GFRA4: variants seen among roughly 807,000 people sequenced by gnomAD.
GFRA4 encodes the protein GDNF family receptor alpha 4.
A neutral mutation model predicts 28.5 loss-of-function variants in GFRA4; 31 were observed. The observed-to-expected ratio is 1.09, with a 90% CI of 0.82 to 1.47. The LOEUF is 1.47. Ranked by LOEUF, GFRA4 falls within the 40% of genes most tolerant of loss-of-function variation. The pLI is 0.00. For synonymous variants in GFRA4, 188 were observed against 188.0 expected, an observed-to-expected ratio of 1.00 and a Z score of 0.00; for missense variants, 389 against 413.2, an observed-to-expected ratio of 0.94 and a Z score of 0.51.
At chr20:3,662,334 G>A (rs986473203) in intron 1 of GFRA4, among the ~76,000 whole-genome samples, 5 of 152,136 alleles carry the variant, frequency 3.3e-5, no homozygotes, top group South Asian at 2.1e-4. Context: ...CAGGCTAATC[G>A]AATCCCCCCC....
Position 3,659,979 on chromosome 20 carries a change from G to T in GFRA4, c.740C>A (p.Thr247Lys), listed in dbSNP as rs769514460. ...GGAGCGTCTCTCCAGGGCCCTGCCT[G>T]TGGAGGACACCTTGGGGGTGGGAGC... ...PEHSLLQVSS[T>K]GRALERRSLL... is the part of the protein sequence containing the mutation. Residue 247 changes from threonine to lysine, a missense_variant, in exon 6 of 6, where the codon ACA becomes AAA. Coordinates refer to ENST00000290417, the MANE Select transcript of GFRA4 (RefSeq NM_022139.4). The T allele has an allele frequency of 2.5e-6, 4 of 1,580,982 alleles. No individual in the cohort carries two copies. Among genetic ancestry groups the T allele is most frequent in the Non-Finnish European group, 3.4e-6 (4 of 1,164,012 alleles).
At chr20:3,661,483 T>C (rs1308090320) in intron 1 of GFRA4, among the ~76,000 whole-genome samples, 194 bp from the exon 2 acceptor site, 3 of 152,174 alleles carry the variant, frequency 2.0e-5, no homozygotes, top group Admixed American at 6.5e-5. Context: ...TGGAGGGCTC[T>C]GCAACACGTC....
Position 3,660,787 on chromosome 20 carries a change from G to T in GFRA4, c.470C>A (p.Ala157Asp). Residue 157 changes from alanine (A) to aspartate (D), a missense_variant, in exon 3 of 6, where the codon GCC becomes GAC. Transcript: ENST00000290417. ...GCCCGCGTAGGCGCGCAGGCAGCGG[G>T]CGCCCTGGTCCAGCAGGCAGCCGTC... ...APDGCLLDQG[A>D]RCLRAYAGLV... 6.4e-6 allele frequency: 9 copies of T among 1,416,400 alleles called. No homozygotes were observed. Among genetic ancestry groups the T allele is most frequent in the Non-Finnish European group, 8.2e-6 (9 of 1,095,600 alleles). 87.7% of individuals were successfully genotyped at this position (1,416,400 alleles called of 1,614,324 possible). A position where few individuals can be genotyped will look rare whatever the true frequency, so the allele number is the denominator to read the frequency against.
At chr20:3,660,108 A>T in intron 5 of GFRA4, 50 bp downstream of exon 5, 1 of 1,530,756 alleles carries the variant, frequency 6.5e-7, no homozygotes, top group Non-Finnish European at 8.9e-7. Flanking sequence ...GAAGGGTGTG[A>T]AGGTGACAGT....
chr20:3,660,012 A>G, intron 5 of GFRA4, 23 bp from the exon 6 acceptor site: 1 of 1,550,740 alleles, frequency 6.4e-7, no homozygotes, highest in East Asian at 2.3e-5. Context: ...AGCCAAGTGC[A>G]GACTTGAGGC....
At chr20:3,660,898 G>T (rs774923556) in intron 2 of GFRA4, 34 bp from the exon 3 acceptor site, 10 of 1,389,778 alleles carry the variant, frequency 7.2e-6, no homozygotes, top group Non-Finnish European at 9.2e-6. Context: ...CCGGAGAGAG[G>T]CCCCGTCCCC....
rs148812242 is a variant in GFRA4, at chr20:3,663,377, G to T, written c.23C>A (p.Ala8Glu). 1 of 1,610,972 alleles carries T rather than the reference G, an allele frequency of 6.2e-7. No individual in the cohort carries two copies. The highest frequency in any genetic ancestry group is 8.5e-7 in the Non-Finnish European group (1 of 1,179,220). Residue 8 changes from alanine (A) to glutamate (E), a missense_variant, in exon 1 of 6, where the codon GCG (alanine) becomes GAG (glutamate). Ala to Glu is a moderately radical substitution (Grantham distance 107). Transcript: ENST00000290417. ...ACCCAGTAACAGCAGCAGCAGCAGC[G>T]CAGGCCCCAGGCAGCGGACCATGCT... MVRCLGP[A>E]LLLLLLLGSA...
Position 3,660,865 on chromosome 20 carries a change from C to A in GFRA4, c.393-1G>T. 7.1e-7 allele frequency: 1 copy of A among 1,412,872 alleles called. No homozygotes were observed. Among genetic ancestry groups the A allele is most frequent in the Non-Finnish European group, 9.1e-7 (1 of 1,093,728 alleles). The allele number at this position is 1,412,872 out of a possible 1,614,324, so 87.5% of individuals were successfully genotyped here. A position where few individuals can be genotyped will look rare whatever the true frequency, so the allele number is the denominator to read the frequency against. On this transcript the variant is annotated splice_acceptor_variant, in intron 2 of 5. Coordinates refer to ENST00000290417, the MANE Select transcript of GFRA4 (RefSeq NM_022139.4). LOFTEE classifies it high-confidence loss of function. ...GACCTGAAAGGCCAGGAGGCGAGGC[C>A]TGCGCGGCGGGAGGGCGGTGAGCCG...
At chr20:3,660,906 C>T in intron 2 of GFRA4, 38 bp downstream of exon 2, 2 of 1,383,274 alleles carry the variant, frequency 1.4e-6, no homozygotes, top group Non-Finnish European at 1.9e-6. Flanking sequence ...AGGCCCCGTC[C>T]CCACCCTCGC....
rs772434547 is a variant in GFRA4, at chr20:3,659,558, T to G, written c.*351A>C. ...CTGGGATTCTGGATGGTCTCTGACC[T>G]GCTCTAGGGGATCTGGGTCTCCAGA... On this transcript the variant is annotated 3_prime_UTR_variant, in exon 6 of 6. Transcript: ENST00000290417. 3.1e-6 allele frequency: 1 copy of G among 324,650 alleles called. No homozygotes were observed. The highest frequency in any genetic ancestry group is 5.7e-6 in the Non-Finnish European group (1 of 174,374). The allele number at this position is 324,650 out of a possible 1,614,324, so 20.1% of individuals were successfully genotyped here. A position where few individuals can be genotyped will look rare whatever the true frequency, so the allele number is the denominator to read the frequency against.
Position 3,659,869 on chromosome 20 carries a change from G to A in GFRA4, c.*40C>T. 8 of 1,549,408 alleles carry A rather than the reference G, an allele frequency of 5.2e-6. No homozygotes were observed. The highest frequency in any genetic ancestry group is 7.0e-6 in the Non-Finnish European group (8 of 1,141,484). Reference sequence around the variant, plus strand: ...CACAGAGGCGGCCCAGGCAGGCAGGGTGGAGTAGCTGGCTGTGCTATCCGA... The same window carrying A: ...CACAGAGGCGGCCCAGGCAGGCAGGATGGAGTAGCTGGCTGTGCTATCCGA... On this transcript the variant is annotated 3_prime_UTR_variant, in exon 6 of 6. Transcript: ENST00000290417.
intron 4 of GFRA4, 63 bp downstream of exon 4, chr20:3,660,463 G>T: frequency 6.8e-7 from 1 of 1,474,720 alleles, no homozygotes. Flanking sequence ...CCAGCCAGGC[G>T]GCTTGGGAGG....
In GFRA4 at chr20:3,659,992, T is replaced by G; in HGVS notation, c.730-3A>C. 1 of 1,570,466 alleles carries G rather than the reference T, an allele frequency of 6.4e-7. No individual in the cohort carries two copies. The highest frequency in any genetic ancestry group is 8.6e-7 in the Non-Finnish European group (1 of 1,158,118). ...AGGGCCCTGCCTGTGGAGGACACCT[T>G]GGGGGTGGGAGCCAAGTGCAGACTT... On this transcript the variant is annotated splice_region_variant and splice_polypyrimidine_tract_variant and intron_variant, in intron 5 of 5. Transcript: ENST00000290417.
chr20:3,660,181 C>T lies in GFRA4; in HGVS notation c.706G>A (p.Asp236Asn). 1.3e-6 allele frequency: 2 copies of T among 1,596,426 alleles called. No individual in the cohort carries two copies. The highest frequency in any genetic ancestry group is 1.7e-6 in the Non-Finnish European group (2 of 1,172,742). The change falls in exon 5 of 6, where the codon GAC (aspartate) becomes AAC (asparagine). Residue 236 changes from aspartate (D) to asparagine (N), a missense_variant. Coordinates refer to ENST00000290417, the MANE Select transcript of GFRA4 (RefSeq NM_022139.4). ...VLLDQLNPQG[D>N]PEHSLLQVSS... is the part of the protein sequence containing the mutation. ...ACCTGCAGGAGGCTGTGCTCCGGGT[C>T]TCCCTGGGGGTTCAGCTGGTCCAGC...
chr20:3,663,268 G>T, intron 1 of GFRA4, 86 bp downstream of exon 1: 1 of 1,486,438 alleles, frequency 6.7e-7, no homozygotes, highest in Non-Finnish European at 9.2e-7. Flanking sequence ...GCTTTTCCTG[G>T]AATATCTTGC....
chr20:3,660,983 A>T lies in GFRA4; in HGVS notation c.353T>A (p.Leu118His). 7.2e-7 allele frequency: 1 copy of T among 1,380,962 alleles called. No individual in the cohort carries two copies. The highest frequency in any genetic ancestry group is 1.3e-5 in the South Asian group (1 of 76,108). The allele number at this position is 1,380,962 out of a possible 1,614,324, so 85.5% of individuals were successfully genotyped here. A position where few individuals can be genotyped will look rare whatever the true frequency, so the allele number is the denominator to read the frequency against. Residue 118 changes from leucine to histidine, a missense_variant, in exon 2 of 6, where the codon CTT becomes CAT. By Grantham distance (99) the Leu-to-His change is moderately conservative. Coordinates refer to ENST00000290417, the MANE Select transcript of GFRA4 (RefSeq NM_022139.4). ...SGPGPAPPSCLEPLNFCERSR... is the reference protein window; with the variant it reads ...SGPGPAPPSCHEPLNFCERSR... The stretch of plus-strand genomic sequence containing the variant: ...GCGCTCGCAGAAGTTTAAGGGCTCA[A>T]GGCAGGAGGGCGGCGCGGGGCCGGG...
At chr20:3,663,160 G>C (rs1305914079) in intron 1 of GFRA4, among the ~76,000 whole-genome samples, 194 bp downstream of exon 1, 1 of 152,108 alleles carries the variant, frequency 6.6e-6, no homozygotes, top group Admixed American at 6.5e-5. Context: ...GCTTGACGGG[G>C]CTGGGAGGTG....
intron 1 of GFRA4, among the ~76,000 whole-genome samples, chr20:3,662,259 A>C (rs2087231972): frequency 6.6e-6 from 1 of 152,206 alleles, no homozygotes; most frequent in African/African-American, 2.4e-5. Flanking sequence ...CTGTGTCTAA[A>C]TAGAGCCAGG....
At chr20:3,660,088 A>G in intron 5 of GFRA4, 70 bp downstream of exon 5, 1 of 1,516,340 alleles carries the variant, frequency 6.6e-7, no homozygotes, top group Non-Finnish European at 8.9e-7. Flanking sequence ...ACCCAGGCCC[A>G]CCAGGGACGG....
Sources: gnomAD v4.1 joint callset for allele counts (sites outside exome capture counted in the v4.1 genomes callset) on GRCh38, gnomAD v4.1.1 for gene constraint, MANE v1.5 for transcripts, NCBI Gene and HGNC (gene_info 2026-07-23, HGNC 2026-07-21) for gene names.